The following RAPGEF6 variants were observed in gnomAD, a reference collection of about 807,000 sequenced individuals.
RAPGEF6 encodes the protein PDZ domain containing guanine nucleotide exchange factor (GEF) 2.
A neutral mutation model predicts 171.4 loss-of-function variants in RAPGEF6; 56 were observed. That is an observed-to-expected ratio of 0.33 (90% CI 0.26 to 0.41). The LOEUF is 0.41. Among genes scored for constraint, RAPGEF6 ranks in the 10% least tolerant of loss-of-function variants. The probability of loss-of-function intolerance (pLI) is 1.00; values close to 1 mark genes in which losing one functional copy is unlikely to be tolerated. For synonymous variants in RAPGEF6, 692 were observed against 650.1 expected (o/e 1.06, Z -0.98); for missense variants, 1,674 against 1,921.4 (o/e 0.87, Z 2.41).
At position 131,603,736 on chromosome 5, in the gene RAPGEF6, G is replaced by C. The variant is rs77872369; in HGVS notation, c.141-409C>G. On this transcript the variant is annotated intron_variant, in intron 2 of 27. Coordinates refer to ENST00000509018, the MANE Select transcript of RAPGEF6 (RefSeq NM_016340.6). ...ATCAGTTTGCAATAAAAAATATTTT[G>C]AGTATTACAAAATGCTAATTTTTCA... Among the ~76,000 whole-genome samples, 1,179 of 152,044 alleles carry C rather than the reference G, an allele frequency of 7.8e-3. 8 individuals are homozygous for C. The highest frequency in any genetic ancestry group is 0.012 in the Non-Finnish European group (782 of 67,914).
At chr5:131,449,016 T>C (rs942955988) in intron 21 of RAPGEF6, among the ~76,000 whole-genome samples, 1 of 152,058 alleles carries the variant, frequency 6.6e-6, no homozygotes, top group Non-Finnish European at 1.5e-5. Flanking sequence ...AGACCACAAA[T>C]GAGGCAAGAC....
intron 4 of RAPGEF6, among the ~76,000 whole-genome samples, chr5:131,589,979 G>A (rs80175911): frequency 0.012 from 1,755 of 152,320 alleles, 29 homozygotes; most frequent in African/African-American, 0.039. Context: ...AACTCTAGTC[G>A]TGAGGAAGGG....
At position 131,472,682 on chromosome 5, in the gene RAPGEF6, C is replaced by A; in HGVS notation, c.2144G>T (p.Ser715Ile). The change falls in exon 17 of 28, where the codon AGT becomes ATT. Residue 715 changes from serine to isoleucine, a missense_variant. Around this residue, in one of 3 missense-constraint regions of RAPGEF6, gnomAD observed 1,116 missense variants for 1,321.5 expected, o/e 0.84. Coordinates refer to ENST00000509018, the MANE Select transcript of RAPGEF6 (RefSeq NM_016340.6). ...SIVGTRHCRH[S>I]LAIMPIPGTL... is the part of the protein sequence containing the mutation. ...TCCAGGGATGGGCATTATAGCCAGA[C>A]TATGCCTACAGTGCCTTGTTCCCAC... 6.2e-7 allele frequency: 1 copy of A among 1,612,832 alleles called. No individual in the cohort carries two copies. Among genetic ancestry groups the A allele is most frequent in the Non-Finnish European group, 8.5e-7 (1 of 1,178,784 alleles).
intron 6 of RAPGEF6, among the ~76,000 whole-genome samples, chr5:131,536,640 T>C (rs891949310): frequency 6.6e-5 from 10 of 152,070 alleles, no homozygotes; most frequent in Non-Finnish European, 1.2e-4. Flanking sequence ...AGAGAAACCG[T>C]CATCATCAAC....
chr5:131,466,355 G>A (rs906876870), intron 17 of RAPGEF6, among the ~76,000 whole-genome samples: 7 of 152,052 alleles, frequency 4.6e-5, no homozygotes, highest in Non-Finnish European at 7.4e-5. Context: ...CCAATACTTA[G>A]TGGGCTGCTG....
intron 21 of RAPGEF6, chr5:131,450,064 A>G (rs1752964136): frequency 7.8e-6 from 12 of 1,540,692 alleles, no homozygotes; most frequent in Non-Finnish European, 1.0e-5. Flanking sequence ...CAAGAGCCAC[A>G]AACATTGAAG....
chr5:131,548,121 T>A lies in RAPGEF6; in HGVS notation c.421A>T (p.Arg141Ter). The change falls in exon 6 of 28, where the codon AGA (arginine) becomes TGA (stop). Residue 141 changes from arginine (R) to a stop codon, truncating the protein, a stop_gained. Transcript: ENST00000509018. LOFTEE classifies it high-confidence loss of function. Reference protein sequence around the residue: ...REIPARQSRRRFRKINYKGER... With the variant: ...REIPARQSRR ...CCTTTATAGTTAATTTTCCGAAATC[T>A]TCTTCGGGATTGTCTGGCAGGAATT... 2 of 1,613,978 alleles carry A rather than the reference T, an allele frequency of 1.2e-6. No individual in the cohort carries two copies. Among genetic ancestry groups the A allele is most frequent in the South Asian group, 1.1e-5 (1 of 91,076 alleles).
chr5:131,554,564 G>C (rs1379833694), intron 5 of RAPGEF6, among the ~76,000 whole-genome samples: 1 of 152,182 alleles, frequency 6.6e-6, no homozygotes, highest in Non-Finnish European at 1.5e-5. Flanking sequence ...CTGTTGCCCA[G>C]GCTGGAGTGC....
chr5:131,594,556 A>T (rs1045529984), intron 3 of RAPGEF6, among the ~76,000 whole-genome samples: 2 of 152,186 alleles, frequency 1.3e-5, no homozygotes, highest in African/African-American at 4.8e-5. Flanking sequence ...GGAGCTGCGA[A>T]AAGGGGGCCA....
At chr5:131,529,663 C>A (rs1478845851) in intron 6 of RAPGEF6, among the ~76,000 whole-genome samples, 2 of 152,050 alleles carry the variant, frequency 1.3e-5, no homozygotes, top group Admixed American at 6.6e-5. Context: ...GTAATCCCAG[C>A]ACTTTGGGAG....
intron 5 of RAPGEF6, among the ~76,000 whole-genome samples, chr5:131,558,385 AT>A (rs1345594702): frequency 6.6e-6 from 1 of 151,962 alleles, no homozygotes; most frequent in Non-Finnish European, 1.5e-5. Context: ...ATTTTTGATT[AT>A]CTTTGACGGG....
At chr5:131,567,379 C>T (rs1210547310) in intron 4 of RAPGEF6, among the ~76,000 whole-genome samples, 9 of 152,078 alleles carry the variant, frequency 5.9e-5, no homozygotes, top group African/African-American at 1.9e-4. Context: ...TAGATCAAAA[C>T]CATTCTTTTC....
At chr5:131,610,132 G>A (rs1024779471) in intron 1 of RAPGEF6, among the ~76,000 whole-genome samples, 52 of 152,216 alleles carry the variant, frequency 3.4e-4, no homozygotes, top group African/African-American at 1.2e-3. Context: ...ATATGGAGCA[G>A]TGTATACAGC....
At chr5:131,439,874 C>T (rs1053918207) in intron 23 of RAPGEF6, among the ~76,000 whole-genome samples, 159 bp from the exon 24 acceptor site, 7 of 152,278 alleles carry the variant, frequency 4.6e-5, no homozygotes, top group East Asian at 1.9e-4. Flanking sequence ...TGGGTAATGG[C>T]ATACAGAGAT....
At chr5:131,469,720 G>A in intron 17 of RAPGEF6, 1 of 1,071,178 alleles carries the variant, frequency 9.3e-7, no homozygotes, top group Admixed American at 2.7e-5. Flanking sequence ...ATTCAATTCT[G>A]TATCATTGGA....
intron 5 of RAPGEF6, among the ~76,000 whole-genome samples, chr5:131,557,551 C>T (rs1761316634): frequency 6.6e-6 from 1 of 151,932 alleles, no homozygotes; most frequent in African/African-American, 2.4e-5. Flanking sequence ...CTCTTTTTTC[C>T]CCTGCCTAAA....
Position 131,464,079 on chromosome 5 carries a change from C to T in RAPGEF6, c.2442G>A (p.Gln814=), listed in dbSNP as rs370392765. The change falls in exon 18 of 28, where the codon CAG becomes CAA. Residue 814 remains glutamine (Q), a synonymous_variant. Coordinates refer to ENST00000509018, the MANE Select transcript of RAPGEF6 (RefSeq NM_016340.6). ...GVIKQRRLPD[Q]FSKLADRIQL... is the part of the protein sequence containing the mutation. The stretch of plus-strand genomic sequence containing the variant: ...GAATTCTATCAGCTAATTTGGAGAA[C>T]TGATCTGGAAGTCTTCTCTGTTTTA... 6.2e-7 allele frequency: 1 copy of T among 1,609,026 alleles called. No individual in the cohort carries two copies. Among genetic ancestry groups the T allele is most frequent in the South Asian group, 1.1e-5 (1 of 90,694 alleles).
intron 1 of RAPGEF6, among the ~76,000 whole-genome samples, chr5:131,614,551 A>G (rs1040840855): frequency 3.3e-5 from 5 of 152,200 alleles, no homozygotes; most frequent in African/African-American, 1.2e-4. Flanking sequence ...AACTCTCACC[A>G]TCACGAGAAC....
intron 8 of RAPGEF6, among the ~76,000 whole-genome samples, chr5:131,508,549 G>C (rs964402051): frequency 6.6e-6 from 1 of 152,164 alleles, no homozygotes; most frequent in African/African-American, 2.4e-5. Flanking sequence ...TAATAGGTTA[G>C]TGAAAAAGTC....
Sources: gnomAD v4.1 joint callset for allele counts (sites outside exome capture counted in the v4.1 genomes callset) on GRCh38, gnomAD v4.1.1 for gene constraint, gnomAD v4.1.1 regional missense constraint, MANE v1.5 for transcripts, NCBI Gene and HGNC (gene_info 2026-07-23, HGNC 2026-07-21) for gene names.